The following CHEK1 variants were observed in gnomAD, a reference collection of about 807,000 sequenced individuals.
The protein encoded by CHEK1 is checkpoint kinase 1.
In CHEK1, 32 loss-of-function variants were observed where a neutral mutation model predicts 60.2. That is an observed-to-expected ratio of 0.53 (90% CI 0.40 to 0.71). The LOEUF (loss-of-function observed/expected upper bound fraction) is 0.71. Ranked by LOEUF, CHEK1 falls within the 30% of genes least tolerant of loss-of-function variation. The probability of loss-of-function intolerance (pLI) is 0.00; values close to 1 mark genes in which losing one functional copy is unlikely to be tolerated. For synonymous variants in CHEK1, 179 were observed against 187.2 expected (o/e 0.96, Z 0.36); for missense variants, 399 against 564.6 (o/e 0.71, Z 2.97).
At chr11:125,652,180 T>C (rs915237908) in intron 11 of CHEK1, among the ~76,000 whole-genome samples, 20 of 152,258 alleles carry the variant, frequency 1.3e-4, no homozygotes, top group African/African-American at 4.3e-4. Flanking sequence ...TCGCTCGGGC[T>C]TAACTCATCC....
intron 8 of CHEK1, among the ~76,000 whole-genome samples, chr11:125,638,865 G>C (rs1301133689): frequency 6.6e-6 from 1 of 152,128 alleles, no homozygotes; most frequent in Non-Finnish European, 1.5e-5. Flanking sequence ...TGACTTCACT[G>C]TTTCTTGACC....
In CHEK1 at chr11:125,625,837, A is replaced by G. The variant is rs565780672; in HGVS notation, c.-196A>G. On this transcript the variant is annotated 5_prime_UTR_variant, in exon 1 of 13. Transcript: ENST00000438015. ...AAAGCAGCCCTGGGCGGGAGCGGCAACATCTCCACGTCACCCTTTTGGAGC... is the reference window on the plus strand; with the variant it reads ...AAAGCAGCCCTGGGCGGGAGCGGCAGCATCTCCACGTCACCCTTTTGGAGC... 3.1e-3 allele frequency: 2,168 copies of G among 702,610 alleles called. 6 individuals are homozygous for G. The highest frequency in any genetic ancestry group is 3.5e-3 in the Non-Finnish European group (1,357 of 384,984). 43.5% of individuals were successfully genotyped at this position (702,610 alleles called of 1,614,324 possible).
At chr11:125,678,978 T>TTTTATATATATATATATATATATA (rs1555078664), downstream of CHEK1, among the ~76,000 whole-genome samples, 4 of 88,440 alleles carry the variant, frequency 4.5e-5, no homozygotes, top group East Asian at 1.2e-3. Context: ...TCTAGGCATA[T>TTTTATATATATATATATATATATA]TATATATATA....
In CHEK1 at chr11:125,644,208, C is replaced by T. The variant is rs746143808; in HGVS notation, c.1041C>T (p.Pro347=). The change falls in exon 10 of 13, where the codon CCC becomes CCT. Residue 347 remains proline (P), a synonymous_variant. Coordinates refer to ENST00000438015, the MANE Select transcript of CHEK1 (RefSeq NM_001114122.3). ...KLVQGISFSQ[P]TCPDHMLLNS... ...TACAAGGGATCAGCTTTTCCCAGCCCACATGTCCTGATCATATGCTTTTGA... is the reference window on the plus strand; with the variant it reads ...TACAAGGGATCAGCTTTTCCCAGCCTACATGTCCTGATCATATGCTTTTGA... 3.1e-6 allele frequency: 5 copies of T among 1,613,998 alleles called. No individual in the cohort carries two copies. In the African/African-American group the frequency reaches 4.0e-5, roughly 13 times the overall value.
At chr11:125,673,827 C>A (rs1278001086) in intron 13 of CHEK1, among the ~76,000 whole-genome samples, 1 of 152,070 alleles carries the variant, frequency 6.6e-6, no homozygotes, top group Non-Finnish European at 1.5e-5. Flanking sequence ...GTCAGTTCTA[C>A]TTGCAATCTA....
At chr11:125,673,536 G>A (rs1271629232) in intron 13 of CHEK1, among the ~76,000 whole-genome samples, 2 of 152,036 alleles carry the variant, frequency 1.3e-5, no homozygotes, top group Non-Finnish European at 2.9e-5. Context: ...CTCTGCTTCT[G>A]ACAAGGTCTT....
chr11:125,680,999 T>C, downstream of CHEK1: 2 of 473,878 alleles, frequency 4.2e-6, no homozygotes, highest in Non-Finnish European at 7.5e-6. Flanking sequence ...CTTATTTCAC[T>C]AGTGAAGACC....
chr11:125,625,529 C>T lies in CHEK1; in HGVS notation c.-504C>T. ...TTTACAAAGCACTCTGCTTCACCGA[C>T]TGTGATCCTCACAGTCCTGTCCGGT... On this transcript the variant is annotated 5_prime_UTR_variant, in exon 1 of 13. Transcript: ENST00000438015. 1 of 530,050 alleles carries T rather than the reference C, an allele frequency of 1.9e-6. No homozygotes were observed. The highest frequency in any genetic ancestry group is 3.4e-6 in the Non-Finnish European group (1 of 296,316). The allele number at this position is 530,050 out of a possible 1,614,324, so 32.8% of individuals were successfully genotyped here. A position where few individuals can be genotyped will look rare whatever the true frequency, so the allele number is the denominator to read the frequency against.
At chr11:125,627,926 G>T in intron 3 of CHEK1, 96 bp downstream of exon 3, 1 of 956,668 alleles carries the variant, frequency 1.0e-6, no homozygotes, top group Non-Finnish European at 1.5e-6. Flanking sequence ...TTTCAAAATT[G>T]CTCATGCAAC....
chr11:125,651,476 CAGGG>C (rs1941731004), intron 11 of CHEK1, among the ~76,000 whole-genome samples: 1 of 151,858 alleles, frequency 6.6e-6, no homozygotes, highest in African/African-American at 2.4e-5. Flanking sequence ...TTAGTACAGA[CAGGG>C]TTTCACCATG....
intron 7 of CHEK1, 150 bp downstream of exon 7, chr11:125,635,683 A>G (rs1941045784): frequency 2.0e-6 from 1 of 501,916 alleles, no homozygotes; most frequent in Non-Finnish European, 3.5e-6. Context: ...GTAAAAAATT[A>G]AGGAAAAAAT....
At chr11:125,630,589 G>C (rs1002324142) in intron 5 of CHEK1, among the ~76,000 whole-genome samples, 1 of 152,078 alleles carries the variant, frequency 6.6e-6, no homozygotes, top group Non-Finnish European at 1.5e-5. Context: ...GGGATTATAG[G>C]TGTGAGCCGC....
At chr11:125,645,462 CAAG>C (rs769204116) in intron 11 of CHEK1, among the ~76,000 whole-genome samples, 9 of 151,912 alleles carry the variant, frequency 5.9e-5, no homozygotes, top group Non-Finnish European at 1.2e-4. Context: ...GTTTTTTACT[CAAG>C]GAGACTAAAG....
At chr11:125,651,753 T>G (rs964137495) in intron 11 of CHEK1, among the ~76,000 whole-genome samples, 2 of 152,204 alleles carry the variant, frequency 1.3e-5, no homozygotes, top group African/African-American at 2.4e-5. Flanking sequence ...TAAGTTAAAA[T>G]GCCAGAAAGC....
intron 11 of CHEK1, among the ~76,000 whole-genome samples, chr11:125,648,794 G>A (rs567383152): frequency 6.6e-6 from 1 of 152,206 alleles, no homozygotes; most frequent in South Asian, 2.1e-4. Context: ...GATGTTAGCT[G>A]TGGGGTTTTT....
chr11:125,661,577 A>G (rs1169684360), downstream of CHEK1, among the ~76,000 whole-genome samples: 1 of 151,960 alleles, frequency 6.6e-6, no homozygotes, highest in Admixed American at 6.6e-5. Flanking sequence ...CTCCTAAAGT[A>G]CTGACATTAC....
chr11:125,634,627 T>A (rs994876219), intron 6 of CHEK1, among the ~76,000 whole-genome samples: 3 of 151,146 alleles, frequency 2.0e-5, no homozygotes, highest in African/African-American at 7.3e-5. Flanking sequence ...AAAGATACAA[T>A]ATTGTCCGGG....
At chr11:125,644,368 A>G in intron 10 of CHEK1, 100 bp downstream of exon 10, 1 of 1,460,054 alleles carries the variant, frequency 6.8e-7, no homozygotes, top group Non-Finnish European at 9.2e-7. Flanking sequence ...TAACTTTTAA[A>G]TCACATGTAT....
At chr11:125,674,133 T>G (rs1942361426) in intron 13 of CHEK1, among the ~76,000 whole-genome samples, 2 of 151,692 alleles carry the variant, frequency 1.3e-5, no homozygotes, top group South Asian at 4.2e-4. Flanking sequence ...ACAGCAAGAC[T>G]CCATCTCAAA....
Sources: gnomAD v4.1 joint callset for allele counts (sites outside exome capture counted in the v4.1 genomes callset) on GRCh38, gnomAD v4.1.1 for gene constraint, MANE v1.5 for transcripts, NCBI Gene and HGNC (gene_info 2026-07-23, HGNC 2026-07-21) for gene names.